Variants in TTC23L observed in about 807,000 individuals in gnomAD.
TTC23L encodes the protein tetratricopeptide repeat protein 23-like.
Under a neutral mutation model 48.1 loss-of-function variants are expected in TTC23L, and 42 were observed. The ratio of observed to expected loss-of-function variants is 0.87; its 90% CI spans 0.68 to 1.13. TTC23L has a LOEUF of 1.13. TTC23L is among the 50% of genes most tolerant of loss of function. The pLI is 0.00. For synonymous variants in TTC23L, 159 were observed against 157.2 expected (o/e 1.01, Z -0.09); for missense variants, 391 against 421.0 (o/e 0.93, Z 0.62).
chr5:34,904,508 C>T, the TTC23L span, among the ~76,000 whole-genome samples: 6 of 151,450 alleles, frequency 4.0e-5, no homozygotes, highest in East Asian at 5.9e-4. Flanking sequence ...GCAGGAGAAC[C>T]GCTTGAACCT....
At chr5:34,844,144 C>CA (rs1758916766) in intron 2 of TTC23L, among the ~76,000 whole-genome samples, 2 of 152,156 alleles carry the variant, frequency 1.3e-5, no homozygotes, top group Non-Finnish European at 1.5e-5. Flanking sequence ...AAAGGAAGTT[C>CA]ATCACCTGTC....
At chr5:34,873,979 CT>C (rs1487680191) in intron 8 of TTC23L, among the ~76,000 whole-genome samples, 1 of 152,156 alleles carries the variant, frequency 6.6e-6, no homozygotes, top group African/African-American at 2.4e-5. Context: ...GCACTAAAAT[CT>C]GAGCAGAAAC....
chr5:34,895,207 T>TA (rs1763134773), intron 9 of TTC23L, among the ~76,000 whole-genome samples: 1 of 152,230 alleles, frequency 6.6e-6, no homozygotes, highest in South Asian at 2.1e-4. Flanking sequence ...CATTTAAAGT[T>TA]AGACATATCT....
chr5:34,908,089 TG>T, the TTC23L span: 2 of 151,890 alleles, frequency 1.3e-5, no homozygotes, highest in Non-Finnish European at 2.9e-5. Flanking sequence ...TAATAAGCAA[TG>T]CCCATATGCC....
chr5:34,877,019 A>G (rs932014691), intron 8 of TTC23L, among the ~76,000 whole-genome samples: 1 of 152,200 alleles, frequency 6.6e-6, no homozygotes, highest in Non-Finnish European at 1.5e-5. Context: ...AAAAAAAACA[A>G]AACTGCAGAT....
chr5:34,890,156 G>A (rs1487224323), intron 9 of TTC23L, among the ~76,000 whole-genome samples: 1 of 151,542 alleles, frequency 6.6e-6, no homozygotes, highest in Non-Finnish European at 1.5e-5. Flanking sequence ...GAAAGTTTGG[G>A]TATCTTGGCT....
chr5:34,856,483 G>A (rs1295104515), intron 4 of TTC23L, among the ~76,000 whole-genome samples: 1 of 152,196 alleles, frequency 6.6e-6, no homozygotes, highest in Non-Finnish European at 1.5e-5. Flanking sequence ...CTGGAAATTT[G>A]GGACCAGAAC....
chr5:34,916,478 T>C, the TTC23L span: 1 of 152,168 alleles, frequency 6.6e-6, no homozygotes, highest in African/African-American at 2.4e-5. Flanking sequence ...TAGGCTTCCT[T>C]TGGGTTTGAG....
Position 34,896,769 on chromosome 5 carries a change from G to C in TTC23L, c.1078-1G>C, listed in dbSNP as rs760866165. 2 of 769,034 alleles carry C rather than the reference G, an allele frequency of 2.6e-6. No individual in the cohort carries two copies. Among genetic ancestry groups the C allele is most frequent in the South Asian group, 2.8e-5 (2 of 71,726 alleles). The allele number at this position is 769,034 out of a possible 1,614,324, so 47.6% of individuals were successfully genotyped here. A position where few individuals can be genotyped will look rare whatever the true frequency, so the allele number is the denominator to read the frequency against. ...GGTGACATTTGAGCCATTTCTTAAAGGACAAGTAGCAGTTCATCCAGATGG... is the reference window on the plus strand; with the variant it reads ...GGTGACATTTGAGCCATTTCTTAAACGACAAGTAGCAGTTCATCCAGATGG... On this transcript the variant is annotated splice_acceptor_variant, in intron 9 of 10. Transcript: ENST00000505624. LOFTEE classifies it high-confidence loss of function.
intron 9 of TTC23L, among the ~76,000 whole-genome samples, chr5:34,887,970 G>A (rs1426836292): frequency 6.6e-6 from 1 of 152,198 alleles, no homozygotes; most frequent in Non-Finnish European, 1.5e-5. Context: ...GCAGTAGATG[G>A]AATGCTTGTG....
intron 8 of TTC23L, among the ~76,000 whole-genome samples, chr5:34,871,742 T>C (rs1451618985): frequency 6.6e-6 from 1 of 152,200 alleles, no homozygotes; most frequent in Non-Finnish European, 1.5e-5. Context: ...ATAATATCTC[T>C]AACAGAGATA....
intron 4 of TTC23L, among the ~76,000 whole-genome samples, chr5:34,854,229 G>C (rs745745851): frequency 1.3e-4 from 20 of 152,146 alleles, no homozygotes; most frequent in Non-Finnish European, 2.9e-4. Context: ...TTTCCTGTAC[G>C]AGAGACTTTT....
At chr5:34,910,097 C>T in the TTC23L span, among the ~76,000 whole-genome samples, 1 of 152,094 alleles carries the variant, frequency 6.6e-6, no homozygotes, top group Non-Finnish European at 1.5e-5. Context: ...CTAAATGGAT[C>T]TCCTGAGCAC....
chr5:34,842,030 G>T (rs1758724867), intron 2 of TTC23L, among the ~76,000 whole-genome samples: 1 of 152,150 alleles, frequency 6.6e-6, no homozygotes, highest in South Asian at 2.1e-4. Flanking sequence ...TCCCCTCGGG[G>T]CAAAGTCATC....
At chr5:34,923,139 A>G in the TTC23L span, 2 of 1,612,918 alleles carry the variant, frequency 1.2e-6, no homozygotes, top group Non-Finnish European at 1.7e-6. Context: ...CTAGATCTTT[A>G]GTACACCACG....
chr5:34,893,229 G>C (rs1490445915), intron 9 of TTC23L, among the ~76,000 whole-genome samples: 1 of 152,172 alleles, frequency 6.6e-6, no homozygotes, highest in East Asian at 1.9e-4. Flanking sequence ...GAAGTTTCTA[G>C]CTTGGGCAAC....
At chr5:34,918,414 A>G in the TTC23L span, 5 of 1,608,158 alleles carry the variant, frequency 3.1e-6, no homozygotes, top group Non-Finnish European at 4.3e-6. Context: ...CCAGAGGAAT[A>G]AATTTTAGAA....
the TTC23L span, chr5:34,924,994 C>G: frequency 6.2e-7 from 1 of 1,609,824 alleles, no homozygotes; most frequent in Non-Finnish European, 8.5e-7. Context: ...TTGTGTCATT[C>G]AGTAGTCTTC....
chr5:34,867,441 A>G (rs1761149823), intron 7 of TTC23L: 1 of 238,100 alleles, frequency 4.2e-6, no homozygotes, highest in South Asian at 6.3e-5. Context: ...ATGAAAAATC[A>G]TGGTATTTTA....
Sources: allele counts gnomAD v4.1 joint callset (sites outside exome capture counted in the v4.1 genomes callset), GRCh38; gene constraint gnomAD v4.1.1; transcripts MANE v1.5; gene names NCBI Gene and HGNC (gene_info 2026-07-23, HGNC 2026-07-21).